The following LRCH1 variants were observed in gnomAD, a reference collection of about 807,000 sequenced individuals.
LRCH1 encodes leucine rich repeats and calponin homology domain containing 1, also known as leucine-rich repeat and calponin homology domain-containing protein 1.
A neutral mutation model predicts 94.9 loss-of-function variants in LRCH1; 23 were observed. The observed-to-expected ratio is 0.24, with a 90% confidence interval of 0.17 to 0.34. The LOEUF is 0.34. Among genes scored for constraint, LRCH1 ranks in the 10% least tolerant of loss-of-function variants. The pLI is 1.00. For synonymous variants in LRCH1, 364 were observed against 354.9 expected, an observed-to-expected ratio of 1.03 and a Z score of -0.29; for missense variants, 790 against 945.9, an observed-to-expected ratio of 0.84 and a Z score of 2.16.
intron 19 of LRCH1, among the ~76,000 whole-genome samples, chr13:46,740,104 G>A (rs1022821254): frequency 1.3e-5 from 2 of 152,134 alleles, no homozygotes; most frequent in African/African-American, 2.4e-5. Context: ...GATTTCCCTG[G>A]TCAAGCACAA....
At chr13:46,583,736 G>T (rs1235933166) in intron 1 of LRCH1, among the ~76,000 whole-genome samples, 4 of 150,766 alleles carry the variant, frequency 2.7e-5, no homozygotes, top group African/African-American at 9.7e-5. Flanking sequence ...TATATTATTT[G>T]CTCTTGTTTC....
At chr13:46,746,235 T>C (rs1022167791), downstream of LRCH1, among the ~76,000 whole-genome samples, 4 of 152,236 alleles carry the variant, frequency 2.6e-5, no homozygotes, top group Non-Finnish European at 5.9e-5. Context: ...GAGATATTAA[T>C]GTCTGTCTTG....
In LRCH1 at chr13:46,639,199, G is replaced by C. The variant is rs1197724053; in HGVS notation, c.308-11002G>C. On this transcript the variant is annotated intron_variant, in intron 1 of 19. Coordinates refer to ENST00000389797, the MANE Select transcript of LRCH1 (RefSeq NM_001164211.2). The stretch of plus-strand genomic sequence containing the variant: ...CTAATCCTGGAATGATAACATACCA[G>C]CAAAGCAGCAGCCGTAGCGTCCACA... 6.2e-4 allele frequency among the ~76,000 whole-genome samples: 95 copies of C among 152,150 alleles called. 2 individuals are homozygous for C.
intron 2 of LRCH1, among the ~76,000 whole-genome samples, chr13:46,661,939 C>T (rs577173977): frequency 4.5e-4 from 68 of 152,210 alleles, no homozygotes; most frequent in African/African-American, 1.5e-3. Flanking sequence ...TTTGGCCAGG[C>T]GCCGTGGCTC....
At chr13:46,715,388 C>T (rs1044194764) in intron 15 of LRCH1, among the ~76,000 whole-genome samples, 172 bp from the exon 16 acceptor site, 1 of 152,156 alleles carries the variant, frequency 6.6e-6, no homozygotes, top group Non-Finnish European at 1.5e-5. Context: ...ATTCCATGCA[C>T]CATCTTTCAT....
intron 18 of LRCH1, among the ~76,000 whole-genome samples, chr13:46,730,483 T>G (rs1873048699): frequency 6.6e-6 from 1 of 152,164 alleles, no homozygotes; most frequent in African/African-American, 2.4e-5. Flanking sequence ...AGTGGCATGA[T>G]TTGTCCTACT....
chr13:46,603,745 C>A (rs569205587), intron 1 of LRCH1, among the ~76,000 whole-genome samples: 1 of 152,332 alleles, frequency 6.6e-6, no homozygotes, highest in Admixed American at 6.5e-5. Flanking sequence ...CAGCCTCAAT[C>A]TCCTGGGCTC....
rs1051807142 is a variant in LRCH1, at chr13:46,750,499, C to G, written c.1981-41C>G. On this transcript the variant is annotated intron_variant, in intron 18 of 18. Transcript: ENST00000311191. ...GTAGCAGGATTTTACAATGAGAGTA[C>G]AATCATCTAAAAATTGATGTTTTAT... 2.6e-5 allele frequency: 35 copies of G among 1,342,252 alleles called. No individual in the cohort carries two copies. In the African/African-American group the frequency reaches 4.3e-4, roughly 17 times the overall value. The allele number at this position is 1,342,252 out of a possible 1,614,324, so 83.1% of individuals were successfully genotyped here.
At chr13:46,668,472 A>G (rs560864773) in intron 2 of LRCH1, among the ~76,000 whole-genome samples, 1 of 152,310 alleles carries the variant, frequency 6.6e-6, no homozygotes, top group Non-Finnish European at 1.5e-5. Flanking sequence ...TTGTTTTAAC[A>G]AAAGGAAGCT....
At chr13:46,629,270 C>G (rs1405782886) in intron 1 of LRCH1, among the ~76,000 whole-genome samples, 1 of 151,860 alleles carries the variant, frequency 6.6e-6, no homozygotes, top group Admixed American at 6.6e-5. Flanking sequence ...TACCAAAGAA[C>G]ACTGATTGTC....
In LRCH1 at chr13:46,741,754, TC is replaced by T. The variant is rs776655103; in HGVS notation, c.2200del (p.Arg734AlafsTer6). 1 of 1,614,212 alleles carries T rather than the reference TC, an allele frequency of 6.2e-7. No individual in the cohort carries two copies. Among genetic ancestry groups the T allele is most frequent in the South Asian group, 1.1e-5 (1 of 91,086 alleles). On this transcript the variant is annotated frameshift_variant, in exon 20 of 20. Transcript: ENST00000389797. LOFTEE classifies it high-confidence loss of function. The part of the protein sequence containing the change: ...GEKAPPPTSA[L>X]RSRDLIGFCL... The stretch of plus-strand genomic sequence containing the variant: ...AAAGCCCCACCACCAACTTCTGCCC[TC>T]CGCTCCAGGGACCTTATAGGCTTCT...
At chr13:46,675,309 C>T (rs2051656405) in intron 3 of LRCH1, among the ~76,000 whole-genome samples, 1 of 152,152 alleles carries the variant, frequency 6.6e-6, no homozygotes, top group Non-Finnish European at 1.5e-5. Context: ...AGAGTTTTCT[C>T]ATTGGTTCCC....
At chr13:46,624,172 C>T (rs2050917302) in intron 1 of LRCH1, among the ~76,000 whole-genome samples, 1 of 152,178 alleles carries the variant, frequency 6.6e-6, no homozygotes, top group Non-Finnish European at 1.5e-5. Flanking sequence ...GTGTGAGCCA[C>T]TACACCCAGG....
At chr13:46,621,910 TC>T (rs1381101733) in intron 1 of LRCH1, among the ~76,000 whole-genome samples, 1 of 152,190 alleles carries the variant, frequency 6.6e-6, no homozygotes, top group Non-Finnish European at 1.5e-5. Context: ...ATTTATCTAG[TC>T]CCTTCTCTGT....
chr13:46,679,959 G>A (rs1566220614), intron 3 of LRCH1: 1 of 152,276 alleles, frequency 6.6e-6, no homozygotes, highest in Admixed American at 6.5e-5. Context: ...TGGTCTAAAT[G>A]TGGAGCCTGG....
intron 3 of LRCH1, among the ~76,000 whole-genome samples, chr13:46,677,017 C>CA (rs1331570400): frequency 6.6e-6 from 1 of 152,090 alleles, no homozygotes; most frequent in Non-Finnish European, 1.5e-5. Context: ...AGAGCTCAAG[C>CA]GATCTGCCCA....
Position 46,744,412 on chromosome 13 carries a change from T to G in LRCH1, c.*2564T>G. The G allele has an allele frequency of 1.0e-6, 1 of 985,230 alleles. No individual in the cohort carries two copies. The highest frequency in any genetic ancestry group is 1.2e-6 in the Non-Finnish European group (1 of 829,936). 61.0% of individuals were successfully genotyped at this position (985,230 alleles called of 1,614,324 possible). A position where few individuals can be genotyped will look rare whatever the true frequency, so the allele number is the denominator to read the frequency against. ...CAGTTTCTCCAACTGGTGGCAACTC[T>G]CCACTCAGTGTCAGGAATTCCAAAA... On this transcript the variant is annotated 3_prime_UTR_variant, in exon 20 of 20. Coordinates refer to ENST00000389797, the MANE Select transcript of LRCH1 (RefSeq NM_001164211.2).
intron 18 of LRCH1, chr13:46,750,509 A>G (rs1874081371): frequency 7.0e-7 from 1 of 1,437,462 alleles, no homozygotes. Context: ...CAATCATCTA[A>G]AAATTGATGT....
intron 19 of LRCH1, among the ~76,000 whole-genome samples, chr13:46,737,172 A>G (rs945594885): frequency 6.6e-6 from 1 of 152,178 alleles, no homozygotes; most frequent in Admixed American, 6.5e-5. Context: ...TCCAGGAAAC[A>G]TGTCTGTGCA....
Sources: allele counts gnomAD v4.1 joint callset (sites outside exome capture counted in the v4.1 genomes callset), GRCh38; gene constraint gnomAD v4.1.1; transcripts MANE v1.5; gene names NCBI Gene and HGNC (gene_info 2026-07-23, HGNC 2026-07-21).